RBFOX3: variants seen among roughly 807,000 people sequenced by gnomAD.
RBFOX3 encodes RNA binding protein fox-1 homolog 3.
RBFOX3 carries 17 observed loss-of-function variants against 48.7 expected under a neutral mutation model. That is an observed-to-expected ratio of 0.35 (90% confidence interval 0.24 to 0.52). The LOEUF is 0.52. Ranked by LOEUF, RBFOX3 falls within the 20% of genes least tolerant of loss-of-function variation. RBFOX3 has a pLI of 0.94. For synonymous variants in RBFOX3, 212 were observed against 209.5 expected (o/e 1.01, Z -0.10); for missense variants, 382 against 497.5 (o/e 0.77, Z 2.21).
chr17:79,330,543 C>T (rs1482332186), intron 2 of RBFOX3, among the ~76,000 whole-genome samples: 1 of 144,162 alleles, frequency 6.9e-6, no homozygotes, highest in Non-Finnish European at 1.5e-5. Context: ...CCACACGCTT[C>T]TCCGTTTTAC....
At chr17:79,225,400 C>T (rs2060201453) in intron 4 of RBFOX3, among the ~76,000 whole-genome samples, 1 of 151,450 alleles carries the variant, frequency 6.6e-6, no homozygotes, top group Non-Finnish European at 1.5e-5. Flanking sequence ...AAGCGATTCT[C>T]ATGTCTCAGC....
intron 2 of RBFOX3, among the ~76,000 whole-genome samples, chr17:79,358,028 C>A (rs1246776965): frequency 6.6e-6 from 1 of 151,966 alleles, no homozygotes; most frequent in Admixed American, 6.6e-5. Context: ...CTCATCATAA[C>A]CCTGGGCTCC....
chr17:79,108,447 C>T (rs1392737360), intron 5 of RBFOX3, among the ~76,000 whole-genome samples: 1 of 152,216 alleles, frequency 6.6e-6, no homozygotes, highest in African/African-American at 2.4e-5. Context: ...AGCCACTTTC[C>T]GGAGGGCATC....
the RBFOX3 span, among the ~76,000 whole-genome samples, chr17:79,620,580 C>T: frequency 1.5e-4 from 14 of 90,546 alleles, no homozygotes; most frequent in African/African-American, 2.0e-4. Flanking sequence ...CGTGCACACA[C>T]GCACGCACAC....
intron 1 of RBFOX3, among the ~76,000 whole-genome samples, chr17:79,520,321 A>G (rs2149981505): frequency 1.3e-5 from 2 of 152,308 alleles, no homozygotes; most frequent in South Asian, 4.1e-4. Flanking sequence ...GAGACTGGGG[A>G]CGTGCAGGGC....
chr17:79,343,352 G>A (rs8082349), intron 2 of RBFOX3, among the ~76,000 whole-genome samples: 135,105 of 152,028 alleles, frequency 0.89, 60,161 homozygotes, highest in Non-Finnish European at 0.92. Context: ...CCCCATCTCT[G>A]CTAAAAATAC....
At chr17:79,523,592 G>A (rs1370472441) in intron 1 of RBFOX3, among the ~76,000 whole-genome samples, 1 of 152,180 alleles carries the variant, frequency 6.6e-6, no homozygotes, top group African/African-American at 2.4e-5. Context: ...CCACCAAAGA[G>A]AGGATGTGAT....
At chr17:79,169,579 C>T (rs1199933751) in intron 4 of RBFOX3, among the ~76,000 whole-genome samples, 1 of 152,240 alleles carries the variant, frequency 6.6e-6, no homozygotes, top group Non-Finnish European at 1.5e-5. Context: ...CTGCACACTG[C>T]AGCCCTCGAG....
At chr17:79,278,615 C>T (rs2069500556) in intron 3 of RBFOX3, among the ~76,000 whole-genome samples, 1 of 152,252 alleles carries the variant, frequency 6.6e-6, no homozygotes, top group African/African-American at 2.4e-5. Context: ...TGTGCCCAGT[C>T]TTGGCCTGGA....
chr17:79,658,212 G>A, the RBFOX3 span, among the ~76,000 whole-genome samples: 4 of 152,052 alleles, frequency 2.6e-5, no homozygotes, highest in African/African-American at 9.7e-5. Flanking sequence ...GAGTCACTCT[G>A]TTCCCCATTT....
At chr17:79,464,443 C>T (rs879975212) in intron 2 of RBFOX3, among the ~76,000 whole-genome samples, 16 of 152,344 alleles carry the variant, frequency 1.1e-4, no homozygotes, top group Admixed American at 8.5e-4. Flanking sequence ...AGAGGTGTCA[C>T]GTGCACCTCG....
intron 2 of RBFOX3, among the ~76,000 whole-genome samples, chr17:79,348,501 G>A (rs2083283587): frequency 1.3e-5 from 2 of 151,610 alleles, no homozygotes. Context: ...TCCCCTAGGG[G>A]TGAGTTTGGA....
At position 79,097,739 on chromosome 17, in the gene RBFOX3, T is replaced by C; in HGVS notation, c.575A>G (p.Lys192Arg). The C allele has an allele frequency of 6.5e-7, 1 of 1,550,212 alleles. No individual in the cohort carries two copies. The highest frequency in any genetic ancestry group is 8.7e-7 in the Non-Finnish European group (1 of 1,146,358). Residue 192 changes from lysine (K) to arginine (R), a missense_variant, in exon 10 of 15, where the codon AAG becomes AGG. Lys to Arg is a conservative substitution (Grantham distance 26). This residue lies in a region of RBFOX3 where 215 missense variants were observed against 254.8 expected (regional missense o/e 0.84). Coordinates refer to ENST00000693108, the MANE Select transcript of RBFOX3 (RefSeq NM_001350451.2). ...KTGNPYTNGWKLNPVVGAVYG... is the reference protein window; with the variant it reads ...KTGNPYTNGWRLNPVVGAVYG... ...GACTGCGCCGACCACTGGATTTAGC[T>C]TCCAGCCTAAAACAAAGGCACAGAG...
At chr17:79,380,324 T>A (rs1180063677) in intron 2 of RBFOX3, among the ~76,000 whole-genome samples, 1 of 152,286 alleles carries the variant, frequency 6.6e-6, no homozygotes, top group Non-Finnish European at 1.5e-5. Context: ...CTCTGCCTAA[T>A]CAAATTAACA....
intron 2 of RBFOX3, among the ~76,000 whole-genome samples, chr17:79,379,996 T>A (rs531779364): frequency 6.6e-6 from 1 of 152,264 alleles, no homozygotes; most frequent in East Asian, 1.9e-4. Flanking sequence ...GCTCTGCTGT[T>A]CTGCTTCTCT....
In RBFOX3 at chr17:79,551,328, A is replaced by G. The variant is rs1048900991; in HGVS notation, c.-320+59498T>C. ...ATGCTTTTCAACTTTAACATGTAGT[A>G]TAATTTGGATATTTGTCCCCTCCAA... On this transcript the variant is annotated intron_variant, in intron 1 of 14. Transcript: ENST00000693108. Among the ~76,000 whole-genome samples the G allele has an allele frequency of 4.3e-3, 647 of 152,232 alleles. 3 individuals carry two copies. The highest frequency in any genetic ancestry group is 0.014 in the African/African-American group (602 of 41,550).
chr17:79,453,547 C>T (rs1014364519), intron 2 of RBFOX3, among the ~76,000 whole-genome samples: 14 of 152,274 alleles, frequency 9.2e-5, no homozygotes, highest in African/African-American at 2.9e-4. Context: ...ACTGGCAGGC[C>T]GCCTGCTGCA....
At chr17:79,592,629 CTG>C (rs2093455484) in intron 1 of RBFOX3, among the ~76,000 whole-genome samples, 1 of 152,056 alleles carries the variant, frequency 6.6e-6, no homozygotes, top group Non-Finnish European at 1.5e-5. Context: ...CCCACCTGCG[CTG>C]TGAACACACT....
intron 2 of RBFOX3, among the ~76,000 whole-genome samples, chr17:79,323,810 A>G (rs2146106155): frequency 6.6e-6 from 1 of 152,378 alleles, no homozygotes; most frequent in South Asian, 2.1e-4. Context: ...GCGAGCCCGC[A>G]GTGAGGGTTC....
Sources: allele counts gnomAD v4.1 joint callset (sites outside exome capture counted in the v4.1 genomes callset), GRCh38; gene constraint gnomAD v4.1.1; regional missense constraint gnomAD v4.1.1; transcripts MANE v1.5; gene names NCBI Gene and HGNC (gene_info 2026-07-23, HGNC 2026-07-21).